TENM3: variants seen among roughly 807,000 people sequenced by gnomAD.
TENM3 encodes teneurin-3.
Under a neutral mutation model 255.1 loss-of-function variants are expected in TENM3, and 63 were observed. That is an observed-to-expected ratio of 0.25 (90% CI 0.20 to 0.30). The LOEUF is 0.30. Ranked by LOEUF, TENM3 falls within the 10% of genes least tolerant of loss-of-function variation. The probability of loss-of-function intolerance (pLI) is 1.00; values close to 1 mark genes in which losing one functional copy is unlikely to be tolerated. For synonymous variants in TENM3, 1,306 were observed against 1,322.3 expected (o/e 0.99, Z 0.27); for missense variants, 2,929 against 3,461.1 (o/e 0.85, Z 3.86).
chr4:181,660,018 C>G, the TENM3 span, among the ~76,000 whole-genome samples: 12 of 151,902 alleles, frequency 7.9e-5, no homozygotes, highest in Non-Finnish European at 1.2e-4. Context: ...GGTGGTCCTT[C>G]CTAGGAGAAA....
chr4:182,239,140 G>A (rs1030685533), upstream of TENM3, among the ~76,000 whole-genome samples: 2 of 149,904 alleles, frequency 1.3e-5, no homozygotes, highest in African/African-American at 2.5e-5. Context: ...GCAATGGCAC[G>A]ATCTCGACTC....
chr4:181,761,650 T>C, the TENM3 span, among the ~76,000 whole-genome samples: 6 of 152,308 alleles, frequency 3.9e-5, no homozygotes, highest in South Asian at 1.2e-3. Flanking sequence ...ATTATAGTTA[T>C]TTTATTTTGT....
the TENM3 span, among the ~76,000 whole-genome samples, chr4:181,665,251 C>T: frequency 6.6e-6 from 1 of 152,042 alleles, no homozygotes; most frequent in Non-Finnish European, 1.5e-5. Context: ...AATATCAGGT[C>T]GTTTTATCTT....
the TENM3 span, among the ~76,000 whole-genome samples, chr4:181,720,714 C>T: frequency 6.6e-6 from 1 of 151,746 alleles, no homozygotes; most frequent in African/African-American, 2.4e-5. Flanking sequence ...CCTTTGAAAG[C>T]ATATTTGAAT....
At chr4:182,764,174 T>G (rs776569905) in intron 22 of TENM3, among the ~76,000 whole-genome samples, 1 of 152,240 alleles carries the variant, frequency 6.6e-6, no homozygotes. Flanking sequence ...ATTAAATTAT[T>G]TCAAACCTCT....
intron 1 of TENM3, among the ~76,000 whole-genome samples, chr4:182,212,734 A>G (rs969513852): frequency 1.3e-5 from 2 of 152,200 alleles, no homozygotes; most frequent in African/African-American, 4.8e-5. Context: ...CAGAAAGGAC[A>G]GAGTTGAGAT....
At chr4:182,168,663 T>C (rs1475357962) in intron 1 of TENM3, among the ~76,000 whole-genome samples, 8 of 152,204 alleles carry the variant, frequency 5.3e-5, no homozygotes, top group Non-Finnish European at 1.0e-4. Flanking sequence ...ATCCCCACCA[T>C]AGTCATTTGC....
chr4:182,745,408 G>C (rs1180175439), intron 19 of TENM3, among the ~76,000 whole-genome samples: 1 of 152,210 alleles, frequency 6.6e-6, no homozygotes, highest in East Asian at 1.9e-4. Context: ...GTGGAGAAAA[G>C]AGGAAAGACA....
chr4:181,985,075 G>A, the TENM3 span, among the ~76,000 whole-genome samples: 1 of 151,970 alleles, frequency 6.6e-6, no homozygotes, highest in East Asian at 1.9e-4. Flanking sequence ...AGTCTTATGT[G>A]TCCTGACTCT....
At chr4:181,963,653 A>C in the TENM3 span, among the ~76,000 whole-genome samples, 1 of 152,204 alleles carries the variant, frequency 6.6e-6, no homozygotes, top group Non-Finnish European at 1.5e-5. Flanking sequence ...TGAATGGCCC[A>C]AAGTAAGTCC....
At chr4:182,466,570 G>A (rs933230624) in intron 3 of TENM3, among the ~76,000 whole-genome samples, 3 of 152,010 alleles carry the variant, frequency 2.0e-5, no homozygotes, top group Admixed American at 6.6e-5. Flanking sequence ...GGGCTCAAGC[G>A]ATCCTCCTGC....
At chr4:182,474,272 G>A (rs983446515) in intron 3 of TENM3, among the ~76,000 whole-genome samples, 15 of 152,154 alleles carry the variant, frequency 9.9e-5, no homozygotes, top group Non-Finnish European at 1.8e-4. Context: ...ACATTTTTAT[G>A]TATGATCATA....
At chr4:181,672,163 G>A in the TENM3 span, among the ~76,000 whole-genome samples, 6 of 152,098 alleles carry the variant, frequency 3.9e-5, no homozygotes, top group African/African-American at 7.2e-5. Context: ...CTGTAATGTA[G>A]TAAAACTGCC....
At chr4:181,888,490 ATG>A in the TENM3 span, among the ~76,000 whole-genome samples, 1 of 45,240 alleles carries the variant, frequency 2.2e-5, no homozygotes, top group Non-Finnish European at 4.7e-5. Context: ...ACCAATAGAA[ATG>A]TGTATATATA....
the TENM3 span, among the ~76,000 whole-genome samples, chr4:181,710,673 G>A: frequency 2.0e-5 from 3 of 152,054 alleles, no homozygotes; most frequent in African/African-American, 7.2e-5. Flanking sequence ...AGTGAGCTGA[G>A]ATCTCGCCAC....
intron 24 of TENM3, among the ~76,000 whole-genome samples, chr4:182,780,946 G>C (rs1407748576): frequency 6.6e-6 from 1 of 151,260 alleles, no homozygotes. Flanking sequence ...TGAGCTTAAG[G>C]AGATTTTGGG....
intron 24 of TENM3, among the ~76,000 whole-genome samples, chr4:182,788,581 A>G (rs1034877332): frequency 3.3e-5 from 5 of 152,220 alleles, no homozygotes; most frequent in Admixed American, 6.6e-5. Context: ...GCCAAAAGCA[A>G]TGATCTTGTT....
chr4:182,683,935 G>A (rs11938233), intron 11 of TENM3, among the ~76,000 whole-genome samples: 75,141 of 151,420 alleles, frequency 0.5, 19,283 homozygotes, highest in Middle Eastern at 0.59. Context: ...CAATAGAGAC[G>A]TGTGTTGAGA....
chr4:182,269,855 T>C (rs964210967), intron 1 of TENM3, among the ~76,000 whole-genome samples: 7 of 151,778 alleles, frequency 4.6e-5, no homozygotes, highest in African/African-American at 1.7e-4. Context: ...CCCAAGGAGG[T>C]TGGCTCACAG....
Sources: allele counts gnomAD v4.1 joint callset (sites outside exome capture counted in the v4.1 genomes callset), GRCh38; gene constraint gnomAD v4.1.1; transcripts MANE v1.5; gene names NCBI Gene and HGNC (gene_info 2026-07-23, HGNC 2026-07-21).